The following KCNQ3 variants were observed in gnomAD, a reference collection of about 807,000 sequenced individuals.
KCNQ3 encodes the protein potassium voltage-gated channel subfamily Q member 3.
KCNQ3 carries 30 observed loss-of-function variants against 92.5 expected under a neutral mutation model. The ratio of observed to expected loss-of-function variants is 0.32; its 90% CI spans 0.24 to 0.44. The LOEUF (loss-of-function observed/expected upper bound fraction) is 0.44. Among genes scored for constraint, KCNQ3 ranks in the 20% least tolerant of loss-of-function variants. KCNQ3 has a pLI of 1.00. For missense variants in KCNQ3, 913 were observed against 1,140.3 expected (o/e 0.80, Z 2.87); for synonymous variants, 450 against 468.8 (o/e 0.96, Z 0.52).
intron 1 of KCNQ3, among the ~76,000 whole-genome samples, chr8:132,243,821 A>G (rs1214746499): frequency 3.9e-5 from 6 of 152,214 alleles, no homozygotes; most frequent in Non-Finnish European, 8.8e-5. Flanking sequence ...GAGGGTAGAA[A>G]TGCCTAGCAA....
chr8:132,452,617 C>G (rs1821847792), intron 1 of KCNQ3, among the ~76,000 whole-genome samples: 1 of 152,172 alleles, frequency 6.6e-6, no homozygotes, highest in South Asian at 2.1e-4. Context: ...GCCAAGGGAA[C>G]CACAGAAGAG....
intron 1 of KCNQ3, among the ~76,000 whole-genome samples, chr8:132,258,493 T>C (rs906146267): frequency 2.0e-5 from 3 of 152,064 alleles, no homozygotes; most frequent in African/African-American, 7.2e-5. Context: ...TCAAAACTTA[T>C]GAGATACAGC....
At chr8:132,332,949 T>C (rs184620342) in intron 1 of KCNQ3, among the ~76,000 whole-genome samples, 64 of 152,322 alleles carry the variant, frequency 4.2e-4, no homozygotes, top group African/African-American at 1.3e-3. Flanking sequence ...CCTTGAGTTC[T>C]GGGAAGGACC....
chr8:132,480,160 A>G lies in KCNQ3; in HGVS notation c.373T>C (p.Tyr125His), dbSNP rs1416256789. Residue 125 changes from tyrosine to histidine, a missense_variant, in exon 1 of 15, where the codon TAC (tyrosine) becomes CAC (histidine). By Grantham distance (83) the Tyr-to-His change is moderately conservative. Around this residue, in one of 6 missense-constraint regions of KCNQ3, gnomAD observed 100 missense variants for 217.6 expected, o/e 0.46. Coordinates refer to ENST00000388996, the MANE Select transcript of KCNQ3 (RefSeq NM_004519.4). ...LERPRGWALLYHALVFLIVLG... is the reference protein window; with the variant it reads ...LERPRGWALLHHALVFLIVLG... ...CCGGGTACTCACACCAACGCGTGGT[A>G]AAGCAGCGCCCAGCCCCGCGGTCTC... is the stretch of plus-strand genomic sequence containing the variant. 1 of 1,611,464 alleles carries G rather than the reference A, an allele frequency of 6.2e-7. No homozygotes were observed. Among genetic ancestry groups the G allele is most frequent in the Non-Finnish European group, 8.5e-7 (1 of 1,178,752 alleles).
intron 14 of KCNQ3, among the ~76,000 whole-genome samples, chr8:132,131,634 G>A (rs1735503679): frequency 6.6e-6 from 1 of 152,034 alleles, no homozygotes; most frequent in South Asian, 2.1e-4. Context: ...AACCTAATAG[G>A]GTATTATAAT....
Position 132,175,593 on chromosome 8 carries a change from A to C in KCNQ3, c.793T>G (p.Trp265Gly), listed in dbSNP as rs1284315847. Residue 265 changes from tryptophan (W) to glycine (G), a missense_variant, in exon 5 of 15, where the codon TGG becomes GGG. Coordinates refer to ENST00000388996, the MANE Select transcript of KCNQ3 (RefSeq NM_004519.4). ...CAHSKELITA[W>G]YIGFLTLILS... ...ATGAGTGTCAGGAAACCGATGTACCAGGCCGTGATGAGTTCCTGAAAGAAT... is the reference window on the plus strand; with the variant it reads ...ATGAGTGTCAGGAAACCGATGTACCCGGCCGTGATGAGTTCCTGAAAGAAT... The C allele has an allele frequency of 6.2e-7, 1 of 1,614,022 alleles. No individual in the cohort carries two copies. The highest frequency in any genetic ancestry group is 1.3e-5 in the African/African-American group (1 of 74,930).
At chr8:132,187,896 G>A (rs568739149) in intron 1 of KCNQ3, among the ~76,000 whole-genome samples, 17 of 91,658 alleles carry the variant, frequency 1.9e-4, no homozygotes, top group Non-Finnish European at 3.2e-4. Flanking sequence ...CGGTGGTGGT[G>A]GTGGTGATGG....
intron 1 of KCNQ3, among the ~76,000 whole-genome samples, chr8:132,418,542 T>C (rs1820881801): frequency 6.6e-6 from 1 of 152,188 alleles, no homozygotes; most frequent in African/African-American, 2.4e-5. Context: ...TCCCAGCATT[T>C]TGGGAGGCCA....
At chr8:132,342,481 T>G (rs762463564) in intron 1 of KCNQ3, among the ~76,000 whole-genome samples, 1 of 152,112 alleles carries the variant, frequency 6.6e-6, no homozygotes, top group Admixed American at 6.5e-5. Context: ...GGCCTATGGA[T>G]GTGTTTTGTT....
At chr8:132,245,382 A>G (rs1264893338) in intron 1 of KCNQ3, among the ~76,000 whole-genome samples, 1 of 152,150 alleles carries the variant, frequency 6.6e-6, no homozygotes, top group Non-Finnish European at 1.5e-5. Flanking sequence ...AGCCCTATTC[A>G]GATGTGCTCT....
At chr8:132,476,547 T>C (rs1822416483) in intron 1 of KCNQ3, among the ~76,000 whole-genome samples, 1 of 152,256 alleles carries the variant, frequency 6.6e-6, no homozygotes, top group South Asian at 2.1e-4. Flanking sequence ...GCTTTTTTAA[T>C]GCATGCCCTG....
chr8:132,162,136 C>T (rs577761663), intron 9 of KCNQ3, among the ~76,000 whole-genome samples: 2 of 152,168 alleles, frequency 1.3e-5, no homozygotes, highest in Admixed American at 1.3e-4. Context: ...TCAGAAGCCC[C>T]TTTTCTAGGG....
chr8:132,142,259 C>A (rs1350249755), intron 9 of KCNQ3, among the ~76,000 whole-genome samples: 2 of 152,114 alleles, frequency 1.3e-5, no homozygotes, highest in Non-Finnish European at 2.9e-5. Context: ...GTTAATAATG[C>A]CAATATAAAG....
intron 1 of KCNQ3, among the ~76,000 whole-genome samples, chr8:132,238,853 A>T (rs1490822081): frequency 1.3e-5 from 2 of 152,214 alleles, no homozygotes; most frequent in African/African-American, 4.8e-5. Context: ...CCTAACCTAG[A>T]CACTCAGACT....
At chr8:132,468,045 A>AAGCGCCTCTCTCTCT (rs1822214859) in intron 1 of KCNQ3, among the ~76,000 whole-genome samples, 1 of 152,216 alleles carries the variant, frequency 6.6e-6, no homozygotes, top group South Asian at 2.1e-4. Context: ...CTAAGCTGTC[A>AAGCGCCTCTCTCTCT]AGCGCCTCTC....
chr8:132,464,967 TA>T (rs2130861283), intron 1 of KCNQ3, among the ~76,000 whole-genome samples: 1 of 152,296 alleles, frequency 6.6e-6, no homozygotes, highest in African/African-American at 2.4e-5. Flanking sequence ...ATACAAAACC[TA>T]AAGGATTACA....
At chr8:132,452,293 T>C (rs1821839727) in intron 1 of KCNQ3, among the ~76,000 whole-genome samples, 1 of 152,148 alleles carries the variant, frequency 6.6e-6, no homozygotes, top group Non-Finnish European at 1.5e-5. Context: ...CACTCTCTAT[T>C]TCTATGAATT....
chr8:132,375,730 A>ACC (rs1215291795), intron 1 of KCNQ3, among the ~76,000 whole-genome samples: 1 of 151,390 alleles, frequency 6.6e-6, no homozygotes, highest in Non-Finnish European at 1.5e-5. Flanking sequence ...GCTGGGTTAC[A>ACC]CTCTCTCTCC....
chr8:132,384,599 G>A (rs1185680453), intron 1 of KCNQ3, among the ~76,000 whole-genome samples: 1 of 152,186 alleles, frequency 6.6e-6, no homozygotes, highest in South Asian at 2.1e-4. Context: ...CTGTCAGCTG[G>A]TCATTCATGT....
Sources: gnomAD v4.1 joint callset for allele counts (sites outside exome capture counted in the v4.1 genomes callset) on GRCh38, gnomAD v4.1.1 for gene constraint, gnomAD v4.1.1 regional missense constraint, MANE v1.5 for transcripts, NCBI Gene and HGNC (gene_info 2026-07-23, HGNC 2026-07-21) for gene names.